COL11A1: variants seen among roughly 807,000 people sequenced by gnomAD.
The protein encoded by COL11A1 is collagen alpha-1(XI) chain.
In COL11A1, 74 loss-of-function variants were observed where a neutral mutation model predicts 265.2. The ratio of observed to expected loss-of-function variants is 0.28; its 90% CI spans 0.23 to 0.34. COL11A1 has a LOEUF of 0.34. COL11A1 is among the 10% of genes least tolerant of loss of function. COL11A1 has a pLI of 1.00. For missense variants in COL11A1, 2,165 were observed against 2,263.6 expected, an observed-to-expected ratio of 0.96 and a Z score of 0.88; for synonymous variants, 816 against 727.6, an observed-to-expected ratio of 1.12 and a Z score of -1.96.
At chr1:102,941,467 C>A (rs1024792188) in intron 42 of COL11A1, among the ~76,000 whole-genome samples, 5 of 152,184 alleles carry the variant, frequency 3.3e-5, no homozygotes, top group Non-Finnish European at 4.4e-5. Flanking sequence ...CTTAGGGCAG[C>A]CTACCATGAT....
At chr1:102,906,526 G>C (rs917162901) in intron 54 of COL11A1, among the ~76,000 whole-genome samples, 5 of 152,038 alleles carry the variant, frequency 3.3e-5, no homozygotes, top group Admixed American at 3.3e-4. Flanking sequence ...TCCCACCTCA[G>C]CCTCCCAAGT....
At chr1:103,015,852 TC>T in intron 11 of COL11A1, 110 bp from the exon 12 acceptor site, 1 of 753,182 alleles carries the variant, frequency 1.3e-6, no homozygotes, top group Non-Finnish European at 2.2e-6. Flanking sequence ...ATTTGCCCTT[TC>T]CACCTTATTT....
intron 31 of COL11A1, among the ~76,000 whole-genome samples, chr1:102,983,195 G>A (rs936695701): frequency 1.4e-4 from 21 of 151,846 alleles, no homozygotes; most frequent in Admixed American, 1.3e-3. Flanking sequence ...TTAGTACACC[G>A]AGGTAAATAT....
At chr1:102,947,952 G>C (rs1659487638) in intron 41 of COL11A1, among the ~76,000 whole-genome samples, 1 of 151,514 alleles carries the variant, frequency 6.6e-6, no homozygotes, top group Non-Finnish European at 1.5e-5. Context: ...AAATATAATT[G>C]TTAGTATTTT....
intron 11 of COL11A1, among the ~76,000 whole-genome samples, chr1:103,017,180 GCTGTTA>G (rs1666633880): frequency 6.6e-6 from 1 of 152,028 alleles, no homozygotes; most frequent in Non-Finnish European, 1.5e-5. Context: ...ACCTTAAATA[GCTGTTA>G]CTCAGTCCAG....
At chr1:102,913,788 A>C in intron 52 of COL11A1, 98 bp from the exon 53 acceptor site, 3 of 1,035,246 alleles carry the variant, frequency 2.9e-6, no homozygotes, top group Non-Finnish European at 4.5e-6. Flanking sequence ...CTCTTGAGAA[A>C]AATTATCAGA....
At chr1:103,096,856 A>C (rs1279324147) in intron 1 of COL11A1, among the ~76,000 whole-genome samples, 1 of 152,088 alleles carries the variant, frequency 6.6e-6, no homozygotes, top group Non-Finnish European at 1.5e-5. Context: ...GTTAATAACA[A>C]GAACAGTCAC....
At chr1:103,096,034 A>C (rs973286611) in intron 1 of COL11A1, among the ~76,000 whole-genome samples, 1 of 152,038 alleles carries the variant, frequency 6.6e-6, no homozygotes, top group Non-Finnish European at 1.5e-5. Flanking sequence ...ATTTTATTCT[A>C]AATGAGATTT....
intron 57 of COL11A1, among the ~76,000 whole-genome samples, chr1:102,897,698 T>C (rs992951480): frequency 1.3e-5 from 2 of 152,178 alleles, no homozygotes; most frequent in African/African-American, 2.4e-5. Flanking sequence ...TGAGTTTTAC[T>C]GTTTTATGTT....
chr1:102,956,227 C>T (rs1570856805), intron 41 of COL11A1, among the ~76,000 whole-genome samples: 1 of 152,142 alleles, frequency 6.6e-6, no homozygotes, highest in East Asian at 1.9e-4. Flanking sequence ...TTTTTATTTA[C>T]AGCTTCAATT....
At position 102,886,956 on chromosome 1, in the gene COL11A1, A is replaced by G. The variant is rs558265763; in HGVS notation, c.4709T>C (p.Leu1570Pro). Residue 1570 changes from leucine (L) to proline (P), a missense_variant, in exon 63 of 67, where the codon CTT becomes CCT. Physicochemically the swap from Leu to Pro is moderately conservative, Grantham distance 98. Transcript: ENST00000370096. Reference sequence around the variant, plus strand: ...TTCTTCCATTCCATCCGAGTAATCAAGAATATTATCATCTGCATCTGCTTG... The same window carrying G: ...TTCTTCCATTCCATCCGAGTAATCAGGAATATTATCATCTGCATCTGCTTG... ...GMQADADDNI[L>P]DYSDGMEEIF... 23 of 1,613,962 alleles carry G rather than the reference A, an allele frequency of 1.4e-5. No individual in the cohort carries two copies. In the Admixed American group the frequency reaches 3.2e-4, roughly 22 times the overall value.
At chr1:102,966,698 T>TGCATACAC (rs1553220134) in intron 37 of COL11A1, among the ~76,000 whole-genome samples, 1 of 19,494 alleles carries the variant, frequency 5.1e-5, no homozygotes, top group African/African-American at 1.2e-4. Context: ...TTGTCAGATT[T>TGCATACAC]ACATACACAC....
chr1:102,997,251 C>G (rs115157724), intron 25 of COL11A1, 127 bp from the exon 26 acceptor site: 2 of 897,284 alleles, frequency 2.2e-6, no homozygotes, highest in African/African-American at 3.3e-5. Flanking sequence ...ACATTGAACA[C>G]TTTTGCATCA....
At chr1:103,006,342 A>G (rs1665611431) in intron 15 of COL11A1, 27 bp from the exon 16 acceptor site, 1 of 1,582,008 alleles carries the variant, frequency 6.3e-7, no homozygotes, top group Non-Finnish European at 8.7e-7. Context: ...TAATTAAACC[A>G]TATTATAGAA....
intron 32 of COL11A1, 108 bp from the exon 33 acceptor site, chr1:102,979,212 C>T (rs961018140): frequency 2.7e-5 from 35 of 1,295,386 alleles, no homozygotes; most frequent in Non-Finnish European, 3.0e-5. Context: ...TTCATTCATT[C>T]GTATTCATTT....
rs1003824024 is a variant in COL11A1 at position 103,076,568 on chromosome 1, G to A, written c.489-1788C>T. On this transcript the variant is annotated intron_variant, in intron 3 of 66. Coordinates refer to ENST00000370096, the MANE Select transcript of COL11A1 (RefSeq NM_001854.4). ...TTGCACATGTTCTTCACCCAGGCAG[G>A]ATTGTTCTTTCTCCACATCCCTACA... Among the ~76,000 whole-genome samples the A allele has an allele frequency of 3.3e-5, 5 of 152,032 alleles. No individual in the cohort carries two copies. In the East Asian group the frequency reaches 7.7e-4, roughly 23 times the overall value.
intron 4 of COL11A1, among the ~76,000 whole-genome samples, chr1:103,034,213 A>T (rs1267009216): frequency 6.6e-6 from 1 of 152,092 alleles, no homozygotes; most frequent in Non-Finnish European, 1.5e-5. Context: ...TAAGTTGTTG[A>T]GAGTCTTGAC....
chr1:102,989,612 TC>T, intron 28 of COL11A1, 41 bp from the exon 29 acceptor site: 2 of 1,380,414 alleles, frequency 1.4e-6, no homozygotes, highest in Non-Finnish European at 2.0e-6. Context: ...GTTTAATCAG[TC>T]CTTTGGAGTA....
chr1:102,889,440 T>A lies in COL11A1; in HGVS notation c.4464+15A>T. 1 of 1,528,290 alleles carries A rather than the reference T, an allele frequency of 6.5e-7. No individual in the cohort carries two copies. Among genetic ancestry groups the A allele is most frequent in the South Asian group, 1.1e-5 (1 of 89,460 alleles). The allele number at this position is 1,528,290 out of a possible 1,614,324, so 94.7% of individuals were successfully genotyped here. A position where few individuals can be genotyped will look rare whatever the true frequency, so the allele number is the denominator to read the frequency against. On this transcript the variant is annotated intron_variant, in intron 59 of 66. Coordinates refer to ENST00000370096, the MANE Select transcript of COL11A1 (RefSeq NM_001854.4). ...TTGGAAATGAGTAGAAAAAATAACC[T>A]ATATTTTTACTCACCCCATCCCCTT...
Sources: allele counts gnomAD v4.1 joint callset (sites outside exome capture counted in the v4.1 genomes callset), GRCh38; gene constraint gnomAD v4.1.1; transcripts MANE v1.5; gene names NCBI Gene and HGNC (gene_info 2026-07-23, HGNC 2026-07-21).